SRRM4: variants seen among roughly 807,000 people sequenced by gnomAD.
SRRM4 encodes serine/arginine repetitive matrix 4.
In SRRM4, 33 loss-of-function variants were observed where a neutral mutation model predicts 68.9. That is an observed-to-expected ratio of 0.48 (90% CI 0.36 to 0.64). The LOEUF (loss-of-function observed/expected upper bound fraction) is 0.64. Ranked by LOEUF, SRRM4 falls within the 30% of genes least tolerant of loss-of-function variation. The pLI, the probability that SRRM4 is intolerant of heterozygous loss-of-function variation, is 0.00. For missense variants in SRRM4, 817 were observed against 827.1 expected, an observed-to-expected ratio of 0.99 and a Z score of 0.15; for synonymous variants, 318 against 318.8, an observed-to-expected ratio of 1.00 and a Z score of 0.03.
intron 1 of SRRM4, among the ~76,000 whole-genome samples, chr12:119,006,781 T>C (rs1953418937): frequency 6.6e-6 from 1 of 152,240 alleles, no homozygotes. Flanking sequence ...AATGCGACCA[T>C]AAGCAAGAAA....
At chr12:119,051,111 C>T (rs1450030772) in intron 1 of SRRM4, among the ~76,000 whole-genome samples, 2 of 152,156 alleles carry the variant, frequency 1.3e-5, no homozygotes, top group East Asian at 3.9e-4. Context: ...CTACTGGTGT[C>T]TGTTGGATGG....
chr12:119,149,771 G>C (rs1287032962), intron 9 of SRRM4, among the ~76,000 whole-genome samples: 1 of 152,210 alleles, frequency 6.6e-6, no homozygotes, highest in Non-Finnish European at 1.5e-5. Context: ...GGAGTCAGGA[G>C]AGGAAAGAGT....
At chr12:118,985,384 T>G (rs1244754947) in intron 1 of SRRM4, among the ~76,000 whole-genome samples, 2 of 152,190 alleles carry the variant, frequency 1.3e-5, no homozygotes, top group African/African-American at 4.8e-5. Context: ...GTACTGTCAG[T>G]CTAAAGAAAG....
In SRRM4 at chr12:119,147,336, G is replaced by A. The variant is rs540494836; in HGVS notation, c.1076+1651G>A. Among the ~76,000 whole-genome samples, 40 of 152,354 alleles carry A rather than the reference G, an allele frequency of 2.6e-4. No homozygotes were observed. The South Asian group carries it at 3.3e-3, about 13-fold the overall frequency. On this transcript the variant is annotated intron_variant, in intron 9 of 12. Coordinates refer to ENST00000267260, the MANE Select transcript of SRRM4 (RefSeq NM_194286.4). Reference sequence around the variant, plus strand: ...CAGAGGGATGAATAGGCAGAGCACAGAGGATTTTTAGGGCAATGGAACTAC... The same window carrying A: ...CAGAGGGATGAATAGGCAGAGCACAAAGGATTTTTAGGGCAATGGAACTAC...
intron 7 of SRRM4, among the ~76,000 whole-genome samples, chr12:119,128,028 C>T (rs1180283750): frequency 2.0e-5 from 3 of 152,174 alleles, no homozygotes; most frequent in Admixed American, 6.5e-5. Flanking sequence ...GAGACCAGAA[C>T]AGTGAGATTT....
intron 1 of SRRM4, among the ~76,000 whole-genome samples, chr12:119,043,192 T>C (rs1953680829): frequency 2.0e-5 from 3 of 152,180 alleles, no homozygotes; most frequent in Admixed American, 2.0e-4. Context: ...ATATACACCA[T>C]AGAACACTAT....
At chr12:119,042,243 G>C (rs1473005225) in intron 1 of SRRM4, among the ~76,000 whole-genome samples, 1 of 151,908 alleles carries the variant, frequency 6.6e-6, no homozygotes, top group African/African-American at 2.4e-5. Flanking sequence ...AGGTTGTACA[G>C]TGAGGTGGGT....
rs1344053878 is a variant in SRRM4 at position 119,160,217 on chromosome 12, G to A, written c.*3419G>A. The A allele has an allele frequency of 6.6e-6, 1 of 151,860 alleles. No homozygotes were observed. The highest frequency in any genetic ancestry group is 2.4e-5 in the African/African-American group (1 of 41,286). 9.4% of individuals were successfully genotyped at this position (151,860 alleles called of 1,614,324 possible). On this transcript the variant is annotated 3_prime_UTR_variant, in exon 13 of 13. Transcript: ENST00000267260. Reference sequence around the variant, plus strand: ...TTTCCTGGGTGAAGTTTACAAGAAGGCTGCTTAAATGCCTGCTTCGGGGAA... The same window carrying A: ...TTTCCTGGGTGAAGTTTACAAGAAGACTGCTTAAATGCCTGCTTCGGGGAA...
Position 118,981,955 on chromosome 12 carries a change from AC to A in SRRM4, c.79del (p.Arg27ValfsTer74). ...GCGAGGAACCTTCAAAGCGGTGGCC[AC>A]CCCCCGTCCCGAGAGCATCATTGTC... ...FWRGTFKAVATPRPESIIVAS... is the reference protein window; with the variant it reads ...FWRGTFKAVAXPRPESIIVAS... On this transcript the variant is annotated frameshift_variant, in exon 1 of 13. Transcript: ENST00000267260. LOFTEE classifies it high-confidence loss of function. 1 of 1,610,184 alleles carries A rather than the reference AC, an allele frequency of 6.2e-7. No individual in the cohort carries two copies. Among genetic ancestry groups the A allele is most frequent in the Non-Finnish European group, 8.5e-7 (1 of 1,178,504 alleles).
intron 2 of SRRM4, among the ~76,000 whole-genome samples, chr12:119,109,375 T>C (rs1280263058): frequency 2.0e-5 from 3 of 152,212 alleles, no homozygotes; most frequent in Non-Finnish European, 4.4e-5. Context: ...CCTGCCCCGC[T>C]AGGTTGGGGA....
At chr12:118,993,581 A>C (rs1953330954) in intron 1 of SRRM4, among the ~76,000 whole-genome samples, 1 of 152,144 alleles carries the variant, frequency 6.6e-6, no homozygotes, top group South Asian at 2.1e-4. Flanking sequence ...CAGTGGGAAG[A>C]GTGCATGTGG....
At chr12:119,077,798 G>C (rs1436685440) in intron 1 of SRRM4, among the ~76,000 whole-genome samples, 1 of 152,108 alleles carries the variant, frequency 6.6e-6, no homozygotes, top group Non-Finnish European at 1.5e-5. Flanking sequence ...AACAAATGAA[G>C]GAATGAATTT....
intron 1 of SRRM4, among the ~76,000 whole-genome samples, chr12:119,068,002 C>T (rs1426220217): frequency 6.6e-6 from 1 of 152,218 alleles, no homozygotes; most frequent in Non-Finnish European, 1.5e-5. Context: ...TGGTGGCACA[C>T]ACCTTACCTA....
At position 119,153,598 on chromosome 12, in the gene SRRM4, G is replaced by C; in HGVS notation, c.1340G>C (p.Arg447Thr). The C allele has an allele frequency of 1.3e-6, 2 of 1,573,716 alleles. No homozygotes were observed. Among genetic ancestry groups the C allele is most frequent in the Non-Finnish European group, 8.6e-7 (1 of 1,160,518 alleles). The change falls in exon 11 of 13, where the codon AGA (arginine) becomes ACA (threonine). Residue 447 changes from arginine (R) to threonine (T), a missense_variant. Transcript: ENST00000267260. ...TCTGGCAAGAGGAGCCCGCCCAGCA[G>C]AAGCTCTAGGTCCCGCCGCAGCCCT... is the stretch of plus-strand genomic sequence containing the variant. ...SKSGKRSPPS[R>T]SSRSRRSPSY...
At chr12:119,020,968 T>G (rs1226877371) in intron 1 of SRRM4, among the ~76,000 whole-genome samples, 5 of 152,170 alleles carry the variant, frequency 3.3e-5, no homozygotes, top group Non-Finnish European at 7.3e-5. Flanking sequence ...GGGAAAGTGA[T>G]TCCTAGAGAC....
intron 1 of SRRM4, among the ~76,000 whole-genome samples, chr12:119,008,411 T>A (rs902669031): frequency 6.6e-6 from 1 of 151,598 alleles, no homozygotes; most frequent in African/African-American, 2.4e-5. Context: ...TAATATCTAT[T>A]CAAATTTTCT....
chr12:119,035,178 T>C (rs2030825), intron 1 of SRRM4, among the ~76,000 whole-genome samples: 36,234 of 152,158 alleles, frequency 0.24, 5,418 homozygotes, highest in Middle Eastern at 0.46. Context: ...ATTGGAATAT[T>C]ACCTTCTTTA....
At chr12:119,114,192 C>G in intron 2 of SRRM4, 86 bp from the exon 3 acceptor site, 1 of 1,162,604 alleles carries the variant, frequency 8.6e-7, no homozygotes, top group African/African-American at 1.5e-5. Context: ...ATCCAAGGAC[C>G]TGGGTCCTTC....
At chr12:118,998,663 T>C (rs1594019998) in intron 1 of SRRM4, among the ~76,000 whole-genome samples, 1 of 152,366 alleles carries the variant, frequency 6.6e-6, no homozygotes, top group Non-Finnish European at 1.5e-5. Context: ...TGAAGTTACT[T>C]GCCCAAGGCT....
Sources: allele counts gnomAD v4.1 joint callset (sites outside exome capture counted in the v4.1 genomes callset), GRCh38; gene constraint gnomAD v4.1.1; transcripts MANE v1.5; gene names NCBI Gene and HGNC (gene_info 2026-07-23, HGNC 2026-07-21).